Variants in SLC2A8 observed in about 807,000 individuals in gnomAD.
SLC2A8 encodes solute carrier family 2, facilitated glucose transporter member 8.
A neutral mutation model predicts 49.2 loss-of-function variants in SLC2A8; 53 were observed. That is an observed-to-expected ratio of 1.08 (90% CI 0.86 to 1.35). The LOEUF (loss-of-function observed/expected upper bound fraction) is 1.35. SLC2A8 is among the 40% of genes most tolerant of loss of function. The probability of loss-of-function intolerance (pLI) is 0.00; values close to 1 mark genes in which losing one functional copy is unlikely to be tolerated. For missense variants in SLC2A8, 688 were observed against 671.7 expected, an observed-to-expected ratio of 1.02 and a Z score of -0.27; for synonymous variants, 299 against 297.0, an observed-to-expected ratio of 1.01 and a Z score of -0.07.
At chr9:127,398,809 A>G (rs541377246) in intron 3 of SLC2A8, among the ~76,000 whole-genome samples, 34 of 152,208 alleles carry the variant, frequency 2.2e-4, no homozygotes, top group Non-Finnish European at 3.7e-4. Flanking sequence ...AGCCCCTGGC[A>G]TGGCTTGTAG....
chr9:127,403,459 C>A, intron 5 of SLC2A8: 2 of 619,192 alleles, frequency 3.2e-6, no homozygotes, highest in East Asian at 2.7e-5. Flanking sequence ...AGGAAGTGCC[C>A]TGGGCAGGTG....
intron 5 of SLC2A8, 125 bp from the exon 6 acceptor site, chr9:127,403,535 G>A (rs1833372070): frequency 9.0e-7 from 1 of 1,113,154 alleles, no homozygotes; most frequent in Non-Finnish European, 1.3e-6. Context: ...CACAGGGGGT[G>A]CTGGGATGAG....
At position 127,407,320 on chromosome 9, in the gene SLC2A8, C is replaced by T. The variant is rs1012167541; in HGVS notation, c.*71C>T. ...GCCCAAGCCCAGAGCCCCTGCCTGC[C>T]CCAGGGGAGCCAGAATCCAGCCCCT... is the stretch of plus-strand genomic sequence containing the variant. On this transcript the variant is annotated 3_prime_UTR_variant, in exon 10 of 10. Coordinates refer to ENST00000373371, the MANE Select transcript of SLC2A8 (RefSeq NM_014580.5). The T allele has an allele frequency of 3.0e-5, 47 of 1,574,994 alleles. No homozygotes were observed. The highest frequency in any genetic ancestry group is 3.9e-5 in the Non-Finnish European group (45 of 1,147,804).
chr9:127,400,130 C>A, intron 4 of SLC2A8, 124 bp downstream of exon 4: 1 of 684,826 alleles, frequency 1.5e-6, no homozygotes, highest in Non-Finnish European at 2.4e-6. Context: ...CCCAACATGC[C>A]AGGCTCGCCT....
Position 127,397,213 on chromosome 9 carries a change from TCGGCGTTGGCCGC to T in SLC2A8, c.-15_-3del. ...CGGTTCAGGCGCCAGAGCTGGCCGA[TCGGCGTTGGCCGC>T]CGACATGACGCCCGAGGACCCAGAG... On this transcript the variant is annotated 5_prime_UTR_variant, in exon 1 of 10. Coordinates refer to ENST00000373371, the MANE Select transcript of SLC2A8 (RefSeq NM_014580.5). 6.9e-7 allele frequency: 1 copy of T among 1,453,758 alleles called. No individual in the cohort carries two copies. Among genetic ancestry groups the T allele is most frequent in the Non-Finnish European group, 9.0e-7 (1 of 1,111,066 alleles). The allele number at this position is 1,453,758 out of a possible 1,614,324, so 90.1% of individuals were successfully genotyped here.
At position 127,398,073 on chromosome 9, in the gene SLC2A8, A is replaced by G. The variant is rs775614050; in HGVS notation, c.388A>G (p.Thr130Ala). 1.3e-6 allele frequency: 2 copies of G among 1,588,432 alleles called. No homozygotes were observed. The highest frequency in any genetic ancestry group is 1.7e-6 in the Non-Finnish European group (2 of 1,173,226). The part of the protein sequence containing the change: ...VWMLLGGRLL[T>A]GLACGVASLV... ...GATGCTGCTGGGGGGCCGCCTCCTC[A>G]CCGGCCTGGCCTGCGGTGTTGCCTC... Residue 130 changes from threonine to alanine, a missense_variant, in exon 3 of 10, where the codon ACC becomes GCC. Transcript: ENST00000373371.
In SLC2A8 at chr9:127,398,080, TGG is replaced by T; in HGVS notation, c.396_397del (p.Ala133LeufsTer107). 1 of 1,585,022 alleles carries T rather than the reference TGG, an allele frequency of 6.3e-7. No homozygotes were observed. The highest frequency in any genetic ancestry group is 1.1e-5 in the South Asian group (1 of 88,316). On this transcript the variant is annotated frameshift_variant, in exon 3 of 10. Coordinates refer to ENST00000373371, the MANE Select transcript of SLC2A8 (RefSeq NM_014580.5). LOFTEE classifies it high-confidence loss of function. The stretch of plus-strand genomic sequence containing the variant: ...CTGGGGGGCCGCCTCCTCACCGGCC[TGG>T]CCTGCGGTGTTGCCTCCCTAGTGGC...
At chr9:127,405,914 C>T (rs1000601314) in intron 9 of SLC2A8, 2 of 544,934 alleles carry the variant, frequency 3.7e-6, no homozygotes, top group African/African-American at 1.9e-5. Context: ...TACTTCCTTG[C>T]TGTGTGACCT....
Position 127,405,020 on chromosome 9 carries a change from G to T in SLC2A8, c.1150+29G>T, listed in dbSNP as rs201960965. On this transcript the variant is annotated intron_variant, in intron 8 of 9. Coordinates refer to ENST00000373371, the MANE Select transcript of SLC2A8 (RefSeq NM_014580.5). ...AGGGGGCCTGTGGGAGGCTGGGCGAGGAGTGGGAGGTGATCCCCCCGGCCC... is the reference window on the plus strand; with the variant it reads ...AGGGGGCCTGTGGGAGGCTGGGCGATGAGTGGGAGGTGATCCCCCCGGCCC... 1.9e-3 allele frequency: 3,027 copies of T among 1,579,360 alleles called. 6 individuals carry two copies. The highest frequency in any genetic ancestry group is 2.4e-3 in the Non-Finnish European group (2,792 of 1,162,400).
chr9:127,404,452 A>G, intron 7 of SLC2A8: 1 of 338,166 alleles, frequency 3.0e-6, no homozygotes, highest in Non-Finnish European at 5.5e-6. Context: ...CCTCAGCACC[A>G]TTTTGAGGAG....
chr9:127,399,980 T>G lies in SLC2A8; in HGVS notation c.500T>G (p.Val167Gly), dbSNP rs1198916167. ...LGSCVQLMVV[V>G]GILLAYLAGW... ...TCCTGTGTGCAGCTAATGGTCGTCG[T>G]CGGCATCCTCCTGGCCTACCTGGCA... is the stretch of plus-strand genomic sequence containing the variant. Residue 167 changes from valine (V) to glycine (G), a missense_variant, in exon 4 of 10, where the codon GTC (valine) becomes GGC (glycine). Physicochemically the swap from Val to Gly is moderately radical, Grantham distance 109. Transcript: ENST00000373371. The surrounding 1 kb of genome is among the most constrained non-coding windows in gnomAD (Gnocchi z 4.2). 1 of 1,613,620 alleles carries G rather than the reference T, an allele frequency of 6.2e-7. No individual in the cohort carries two copies. The highest frequency in any genetic ancestry group is 2.2e-5 in the East Asian group (1 of 44,844).
chr9:127,404,135 G>A, intron 7 of SLC2A8, 68 bp downstream of exon 7: 2 of 1,064,808 alleles, frequency 1.9e-6, no homozygotes, highest in Non-Finnish European at 1.4e-6. Context: ...CCACCACACT[G>A]CAGGAGGAGG....
chr9:127,407,483 A>T lies in SLC2A8; in HGVS notation c.*234A>T. Reference sequence around the variant, plus strand: ...TCAGGAACACCTTCGAGCTTTGCAGACCTGCGGTCAGCCCTCCATGCGCAA... The same window carrying T: ...TCAGGAACACCTTCGAGCTTTGCAGTCCTGCGGTCAGCCCTCCATGCGCAA... On this transcript the variant is annotated 3_prime_UTR_variant, in exon 10 of 10. Transcript: ENST00000373371. 3.0e-6 allele frequency: 2 copies of T among 662,240 alleles called. No individual in the cohort carries two copies. The highest frequency in any genetic ancestry group is 2.1e-5 in the Admixed American group (1 of 48,042). The allele number at this position is 662,240 out of a possible 1,614,324, so 41.0% of individuals were successfully genotyped here. A position where few individuals can be genotyped will look rare whatever the true frequency, so the allele number is the denominator to read the frequency against.
chr9:127,401,031 G>C (rs1236400838), intron 4 of SLC2A8, among the ~76,000 whole-genome samples: 2 of 152,198 alleles, frequency 1.3e-5, no homozygotes, highest in Non-Finnish European at 2.9e-5. Flanking sequence ...GAAGGCTGAG[G>C]TTTCAGTGAG....
In SLC2A8 at chr9:127,402,553, G is replaced by A. The variant is rs367559330; in HGVS notation, c.527-4G>A. 1.8e-5 allele frequency: 28 copies of A among 1,527,948 alleles called. No homozygotes were observed. Among genetic ancestry groups the A allele is most frequent in the Middle Eastern group, 2.3e-4 (1 of 4,292 alleles). The allele number at this position is 1,527,948 out of a possible 1,614,324, so 94.6% of individuals were successfully genotyped here. A position where few individuals can be genotyped will look rare whatever the true frequency, so the allele number is the denominator to read the frequency against. On this transcript the variant is annotated splice_region_variant and splice_polypyrimidine_tract_variant and intron_variant, in intron 4 of 9. Coordinates refer to ENST00000373371, the MANE Select transcript of SLC2A8 (RefSeq NM_014580.5). Reference sequence around the variant, plus strand: ...CGCCAGCCTCCTCCACCCACCCCCCGCAGGCTGGGTGCTGGAGTGGCGCTG... The same window carrying A: ...CGCCAGCCTCCTCCACCCACCCCCCACAGGCTGGGTGCTGGAGTGGCGCTG...
chr9:127,397,998 G>C lies in SLC2A8; in HGVS notation c.313G>C (p.Val105Leu). Reference sequence around the variant, plus strand: ...CAAGCTGAGCCTCTTGCTGTGCTCCGTGCCCTTCGTGGCCGGCTTTGCCGT... The same window carrying C: ...CAAGCTGAGCCTCTTGCTGTGCTCCCTGCCCTTCGTGGCCGGCTTTGCCGT... The part of the protein sequence containing the change: ...GRKLSLLLCS[V>L]PFVAGFAVIT... Residue 105 changes from valine to leucine, a missense_variant, in exon 3 of 10, where the codon GTG becomes CTG. Val to Leu is a conservative substitution (Grantham distance 32). Coordinates refer to ENST00000373371, the MANE Select transcript of SLC2A8 (RefSeq NM_014580.5). 3 of 1,557,356 alleles carry C rather than the reference G, an allele frequency of 1.9e-6. No individual in the cohort carries two copies. The highest frequency in any genetic ancestry group is 2.6e-6 in the Non-Finnish European group (3 of 1,158,616).
Position 127,397,360 on chromosome 9 carries a change from G to A in SLC2A8, c.57-16G>A. 6.9e-7 allele frequency: 1 copy of A among 1,447,444 alleles called. No homozygotes were observed. The highest frequency in any genetic ancestry group is 9.0e-7 in the Non-Finnish European group (1 of 1,109,662). The allele number at this position is 1,447,444 out of a possible 1,614,324, so 89.7% of individuals were successfully genotyped here. ...CTCCGCGTCCGCTCCGCTCACCCTC[G>A]GCCCTGTCCCCCCAGCGCGCCCCGC... On this transcript the variant is annotated splice_polypyrimidine_tract_variant and intron_variant, in intron 1 of 9. Transcript: ENST00000373371.
rs911647479 is a variant in SLC2A8, at chr9:127,402,552, C to T, written c.527-5C>T. 39 of 1,528,332 alleles carry T rather than the reference C, an allele frequency of 2.6e-5. No individual in the cohort carries two copies. The highest frequency in any genetic ancestry group is 1.7e-4 in the East Asian group (7 of 41,546). 94.7% of individuals were successfully genotyped at this position (1,528,332 alleles called of 1,614,324 possible). On this transcript the variant is annotated splice_region_variant and splice_polypyrimidine_tract_variant and intron_variant, in intron 4 of 9. Coordinates refer to ENST00000373371, the MANE Select transcript of SLC2A8 (RefSeq NM_014580.5). ...ACGCCAGCCTCCTCCACCCACCCCC[C>T]GCAGGCTGGGTGCTGGAGTGGCGCT... is the stretch of plus-strand genomic sequence containing the variant.
chr9:127,397,274 C>T lies in SLC2A8; in HGVS notation c.44C>T (p.Pro15Leu), dbSNP rs1833056586. The change falls in exon 1 of 10, where the codon CCT (proline) becomes CTT (leucine). Residue 15 changes from proline (P) to leucine (L), a missense_variant. Transcript: ENST00000373371. ...DPEETQPLLG[P>L]PGGSAPRGRR... Reference sequence around the variant, plus strand: ...GAGGAAACCCAGCCGCTTCTGGGGCCTCCTGGCGGCAGGTGAGCTCCGGGG... The same window carrying T: ...GAGGAAACCCAGCCGCTTCTGGGGCTTCCTGGCGGCAGGTGAGCTCCGGGG... The T allele has an allele frequency of 1.4e-6, 2 of 1,398,676 alleles. No homozygotes were observed. Among genetic ancestry groups the T allele is most frequent in the Non-Finnish European group, 9.2e-7 (1 of 1,086,942 alleles). The allele number at this position is 1,398,676 out of a possible 1,614,324, so 86.6% of individuals were successfully genotyped here. A position where few individuals can be genotyped will look rare whatever the true frequency, so the allele number is the denominator to read the frequency against.
Sources: gnomAD v4.1 joint callset for allele counts (sites outside exome capture counted in the v4.1 genomes callset) on GRCh38, gnomAD v4.1.1 for gene constraint, Gnocchi (gnomAD v3.1) non-coding constraint, MANE v1.5 for transcripts, NCBI Gene and HGNC (gene_info 2026-07-23, HGNC 2026-07-21) for gene names.